VPS13C: variants seen among roughly 807,000 people sequenced by gnomAD.
The protein encoded by VPS13C is vacuolar protein sorting 13 homolog C.
Under a neutral mutation model 456.8 loss-of-function variants are expected in VPS13C, and 358 were observed. The ratio of observed to expected loss-of-function variants is 0.78; its 90% CI spans 0.72 to 0.86. The LOEUF (loss-of-function observed/expected upper bound fraction) is 0.86, where lower values mean the gene tolerates loss of function less well. VPS13C is among the 40% of genes least tolerant of loss of function. VPS13C has a pLI of 0.00. For missense variants in VPS13C, 4,818 were observed against 4,385.4 expected (o/e 1.10, Z -2.79); for synonymous variants, 1,578 against 1,486.7 (o/e 1.06, Z -1.41).
rs1047017673 is a variant in VPS13C, at chr15:61,865,892, A to G, written c.10864-2364T>C. 13 of 966,954 alleles carry G rather than the reference A, an allele frequency of 1.3e-5. No homozygotes were observed. In the African/African-American group the frequency reaches 2.3e-4, roughly 17 times the overall value. The allele number at this position is 966,954 out of a possible 1,614,324, so 59.9% of individuals were successfully genotyped here. On this transcript the variant is annotated intron_variant, in intron 81 of 84. Coordinates refer to ENST00000644861, the MANE Select transcript of VPS13C (RefSeq NM_020821.3). ...TCAGTAACTCTCAAAGCTGCATATT[A>G]AAGAATACAAAGTAGTACTTAGGAG...
intron 53 of VPS13C, among the ~76,000 whole-genome samples, chr15:61,924,056 C>T (rs970683740): frequency 6.6e-6 from 1 of 150,976 alleles, no homozygotes; most frequent in Non-Finnish European, 1.5e-5. Context: ...TTAGTAGAGA[C>T]GGGGTTTCAC....
chr15:61,992,601 T>C (rs961459571), intron 16 of VPS13C, among the ~76,000 whole-genome samples: 34 of 152,200 alleles, frequency 2.2e-4, no homozygotes, highest in Non-Finnish European at 3.2e-4. Context: ...ACAGGTTTGA[T>C]TGGTGAATGT....
intron 24 of VPS13C, 28 bp downstream of exon 24, chr15:61,977,054 T>G (rs758995299): frequency 1.3e-6 from 2 of 1,489,278 alleles, no homozygotes; most frequent in Non-Finnish European, 1.9e-6. Flanking sequence ...CTGTTGATTT[T>G]CTAATATAAA....
intron 5 of VPS13C, among the ~76,000 whole-genome samples, chr15:62,030,832 T>C (rs1486395943): frequency 6.6e-6 from 1 of 152,100 alleles, no homozygotes; most frequent in Non-Finnish European, 1.5e-5. Context: ...AAAATATTAC[T>C]AACTCAAAGG....
intron 6 of VPS13C, among the ~76,000 whole-genome samples, chr15:62,025,971 A>G (rs2047622223): frequency 6.6e-6 from 1 of 151,438 alleles, no homozygotes; most frequent in Non-Finnish European, 1.5e-5. Context: ...TGTTGTGAGA[A>G]AAGTTGCATG....
At chr15:61,912,959 T>C (rs929600873) in intron 62 of VPS13C, among the ~76,000 whole-genome samples, 9 of 150,944 alleles carry the variant, frequency 6.0e-5, no homozygotes, top group Non-Finnish European at 1.0e-4. Context: ...ATCAGAGAAA[T>C]GCAAATCAAA....
chr15:61,974,471 G>A (rs762183603), intron 24 of VPS13C, 54 bp from the exon 25 acceptor site: 34 of 1,574,392 alleles, frequency 2.2e-5, no homozygotes, highest in Non-Finnish European at 2.3e-5. Flanking sequence ...ACAAACGAGG[G>A]AAAGAATTGC....
chr15:61,974,627 G>T (rs891749236), intron 24 of VPS13C, among the ~76,000 whole-genome samples: 3 of 152,110 alleles, frequency 2.0e-5, no homozygotes, highest in Non-Finnish European at 4.4e-5. Context: ...TCCCTCTTAA[G>T]TAGCCAAATC....
At chr15:62,045,306 G>C (rs964847995) in intron 1 of VPS13C, among the ~76,000 whole-genome samples, 2 of 152,002 alleles carry the variant, frequency 1.3e-5, no homozygotes, top group African/African-American at 2.4e-5. Context: ...AACTACTTTT[G>C]CACCAACCTA....
intron 58 of VPS13C, among the ~76,000 whole-genome samples, chr15:61,918,719 T>C (rs182095089): frequency 1.1e-4 from 16 of 152,202 alleles, no homozygotes; most frequent in African/African-American, 3.8e-4. Context: ...ATTTGAAACC[T>C]TTTCATTTGT....
chr15:62,000,533 A>C lies in VPS13C; in HGVS notation c.1353+31T>G, dbSNP rs144077101. ...TTAAAAGCGGGCATTAACATGTTTA[A>C]AACATAAAATCAGCTAATAAAAATG... On this transcript the variant is annotated intron_variant, in intron 16 of 84. Transcript: ENST00000644861. 2.8e-5 allele frequency: 44 copies of C among 1,593,208 alleles called. No individual in the cohort carries two copies. In the East Asian group the frequency reaches 9.5e-4, roughly 34 times the overall value.
intron 81 of VPS13C, chr15:61,865,994 T>C (rs1416756744): frequency 5.2e-5 from 51 of 983,490 alleles, no homozygotes; most frequent in Non-Finnish European, 5.9e-5. Flanking sequence ...GCTAAAAAGA[T>C]ATACTTTTAT....
At position 61,949,469 on chromosome 15, in the gene VPS13C, T is replaced by A. The variant is rs754218076; in HGVS notation, c.4733A>T (p.Glu1578Val). Residue 1578 changes from glutamate (E) to valine (V), a missense_variant, in exon 42 of 85, where the codon GAG becomes GTG. Physicochemically the swap from Glu to Val is moderately radical, Grantham distance 121. Coordinates refer to ENST00000644861, the MANE Select transcript of VPS13C (RefSeq NM_020821.3). The part of the protein sequence containing the change: ...KESELKPLVG[E>V]SRSIAVKAVS... Reference sequence around the variant, plus strand: ...AGCTTTGACAGCGATACTTCTGGACTCCCCCACAAGTGGTTTCAGCTCGGA... The same window carrying A: ...AGCTTTGACAGCGATACTTCTGGACACCCCCACAAGTGGTTTCAGCTCGGA... 8.7e-6 allele frequency: 14 copies of A among 1,612,998 alleles called. No homozygotes were observed. The highest frequency in any genetic ancestry group is 1.2e-5 in the Non-Finnish European group (14 of 1,179,742).
intron 67 of VPS13C, among the ~76,000 whole-genome samples, chr15:61,885,567 T>C (rs1190721668): frequency 1.3e-5 from 2 of 152,164 alleles, no homozygotes; most frequent in East Asian, 1.9e-4. Context: ...GAACTGATGA[T>C]AGTTAAGTCC....
At chr15:61,855,024 G>A (rs952578397) in intron 83 of VPS13C, 70 bp from the exon 84 acceptor site, 46 of 1,269,922 alleles carry the variant, frequency 3.6e-5, no homozygotes, top group Non-Finnish European at 5.0e-5. Flanking sequence ...ACTTTTAATT[G>A]TATACTTAAA....
chr15:61,939,344 T>G (rs543323592), intron 47 of VPS13C, among the ~76,000 whole-genome samples: 4 of 152,338 alleles, frequency 2.6e-5, no homozygotes, highest in African/African-American at 9.6e-5. Context: ...AAACAAAATT[T>G]AATAATTGTT....
At chr15:62,033,331 T>C (rs2047880513) in intron 5 of VPS13C, 110 bp downstream of exon 5, 1 of 586,160 alleles carries the variant, frequency 1.7e-6, no homozygotes, top group Non-Finnish European at 2.6e-6. Context: ...AAAAAAATTA[T>C]GTCTTTAGAA....
In VPS13C at chr15:61,982,559, T is replaced by C. The variant is rs115871350; in HGVS notation, c.1929A>G (p.Ala643=). 6 of 1,605,086 alleles carry C rather than the reference T, an allele frequency of 3.7e-6. No homozygotes were observed. The highest frequency in any genetic ancestry group is 5.1e-6 in the Non-Finnish European group (6 of 1,177,594). Residue 643 remains alanine (A), a synonymous_variant, in exon 21 of 85, where the codon GCA becomes GCG. Coordinates refer to ENST00000644861, the MANE Select transcript of VPS13C (RefSeq NM_020821.3). ...TATTTGATTGAAAGAATTCAACCAC[T>C]GCATTGACAGTTTTCTATAAGAAAA... ...EVIYDAKTVN[A]VVEFFQSNKG...
intron 1 of VPS13C, among the ~76,000 whole-genome samples, chr15:62,051,866 A>C (rs1333225522): frequency 1.3e-5 from 2 of 152,174 alleles, no homozygotes; most frequent in East Asian, 3.9e-4. Context: ...ACTTTTTAAA[A>C]ATCTATTTTT....
Sources: gnomAD v4.1 joint callset for allele counts (sites outside exome capture counted in the v4.1 genomes callset) on GRCh38, gnomAD v4.1.1 for gene constraint, MANE v1.5 for transcripts, NCBI Gene and HGNC (gene_info 2026-07-23, HGNC 2026-07-21) for gene names.